The following ELP4 variants were observed in gnomAD, a reference collection of about 807,000 sequenced individuals.
ELP4 encodes elongator complex protein 4.
A neutral mutation model predicts 48.9 loss-of-function variants in ELP4; 51 were observed. The observed-to-expected ratio is 1.04, with a 90% CI of 0.83 to 1.32. The LOEUF is 1.32. Ranked by LOEUF, ELP4 falls within the 40% of genes most tolerant of loss-of-function variation. The pLI is 0.00. For missense variants in ELP4, 519 were observed against 514.6 expected (o/e 1.01, Z -0.08); for synonymous variants, 210 against 189.2 (o/e 1.11, Z -0.90).
chr11:31,717,669 G>A lies in ELP4; in HGVS notation c.1144-65724G>A, dbSNP rs541480119. On this transcript the variant is annotated intron_variant, in intron 9 of 9. Coordinates refer to ENST00000640961, the MANE Select transcript of ELP4 (RefSeq NM_019040.5). The stretch of plus-strand genomic sequence containing the variant: ...CTCGGGAGGCTGAGGCAAAAGAATC[G>A]CTTGAACCCAGGAGGCGGTGGTTGC... Among the ~76,000 whole-genome samples the A allele has an allele frequency of 1.6e-4, 25 of 151,698 alleles. No individual in the cohort carries two copies. In the East Asian group the frequency reaches 1.8e-3, roughly 11 times the overall value.
intron 9 of ELP4, among the ~76,000 whole-genome samples, chr11:31,668,923 T>C (rs1288836704): frequency 6.6e-6 from 1 of 151,778 alleles, no homozygotes; most frequent in East Asian, 1.9e-4. Flanking sequence ...ATTTTTAATT[T>C]AGTCCAATGC....
chr11:31,742,567 C>A (rs1947479854), intron 9 of ELP4, among the ~76,000 whole-genome samples: 1 of 152,206 alleles, frequency 6.6e-6, no homozygotes, highest in Non-Finnish European at 1.5e-5. Flanking sequence ...AGAAACTCTA[C>A]AAGCCAGAAG....
At chr11:31,603,119 C>A (rs1258891443) in intron 4 of ELP4, among the ~76,000 whole-genome samples, 1 of 151,826 alleles carries the variant, frequency 6.6e-6, no homozygotes, top group Non-Finnish European at 1.5e-5. Context: ...TATCAATGAA[C>A]CAATGATTAT....
At chr11:31,587,584 G>C (rs1228721709) in intron 3 of ELP4, among the ~76,000 whole-genome samples, 3 of 152,026 alleles carry the variant, frequency 2.0e-5, no homozygotes. Flanking sequence ...AAGAATTGTT[G>C]ATCAGTTCAA....
intron 9 of ELP4, among the ~76,000 whole-genome samples, chr11:31,710,303 G>T (rs7928087): frequency 0.021 from 3,132 of 152,262 alleles, 103 homozygotes; most frequent in African/African-American, 0.071. Context: ...TTTGAGTTGA[G>T]ATTGAAGGAA....
chr11:31,627,179 T>G lies in ELP4; in HGVS notation c.723T>G (p.Asp241Glu). 6.3e-7 allele frequency: 1 copy of G among 1,586,036 alleles called. No individual in the cohort carries two copies. Among genetic ancestry groups the G allele is most frequent in the Non-Finnish European group, 8.6e-7 (1 of 1,164,672 alleles). The change falls in exon 6 of 10, where the codon GAT (aspartate) becomes GAG (glutamate). Residue 241 changes from aspartate to glutamate, a missense_variant. By Grantham distance (45) the Asp-to-Glu change is conservative (BLOSUM62 2). Coordinates refer to ENST00000640961, the MANE Select transcript of ELP4 (RefSeq NM_019040.5). Reference sequence around the variant, plus strand: ...ACATCATTTATGAGGAAGGATTTGATGGATCCAATCCTCAGGTATTAAATA... The same window carrying G: ...ACATCATTTATGAGGAAGGATTTGAGGGATCCAATCCTCAGGTATTAAATA... ...IQNIIYEEGF[D>E]GSNPQKKQRN...
chr11:31,602,185 A>G (rs1041655503), intron 4 of ELP4, among the ~76,000 whole-genome samples: 10 of 152,046 alleles, frequency 6.6e-5, no homozygotes, highest in African/African-American at 2.2e-4. Context: ...CTAAAACATT[A>G]AGGGGGCTTG....
chr11:31,641,878 T>G (rs1478899054), intron 7 of ELP4, among the ~76,000 whole-genome samples: 1 of 151,994 alleles, frequency 6.6e-6, no homozygotes, highest in Non-Finnish European at 1.5e-5. Context: ...CTGGATGCTC[T>G]GTTTGATATT....
intron 9 of ELP4, among the ~76,000 whole-genome samples, chr11:31,731,345 C>A (rs1174300468): frequency 2.0e-5 from 3 of 151,964 alleles, no homozygotes; most frequent in South Asian, 4.1e-4. Flanking sequence ...AGTATTTCAA[C>A]AAAGAAATAG....
chr11:31,581,109 T>G (rs1284804596), intron 3 of ELP4, among the ~76,000 whole-genome samples: 1 of 152,220 alleles, frequency 6.6e-6, no homozygotes, highest in Non-Finnish European at 1.5e-5. Flanking sequence ...CACTAAAGTT[T>G]TCAAACTCCT....
intron 9 of ELP4, among the ~76,000 whole-genome samples, chr11:31,699,009 C>G (rs1946467742): frequency 6.6e-6 from 1 of 152,120 alleles, no homozygotes; most frequent in Admixed American, 6.6e-5. Flanking sequence ...CATGCACACT[C>G]AAGCACACAC....
intron 8 of ELP4, 73 bp from the exon 9 acceptor site, chr11:31,650,042 T>A: frequency 1.5e-6 from 1 of 661,548 alleles, no homozygotes; most frequent in South Asian, 2.0e-5. Context: ...AGGATTCTGC[T>A]ATAAGACTGT....
intron 3 of ELP4, among the ~76,000 whole-genome samples, chr11:31,577,356 A>G (rs964865137): frequency 3.3e-5 from 5 of 152,226 alleles, no homozygotes; most frequent in African/African-American, 1.2e-4. Context: ...TACCAGAGGT[A>G]CAAAGAGGAG....
chr11:31,608,412 C>G (rs879559133), intron 5 of ELP4, among the ~76,000 whole-genome samples: 1 of 151,946 alleles, frequency 6.6e-6, no homozygotes, highest in South Asian at 2.1e-4. Flanking sequence ...GTGAGCAGAG[C>G]TTGTTTATGA....
intron 3 of ELP4, among the ~76,000 whole-genome samples, chr11:31,576,180 A>G (rs1265074495): frequency 6.6e-6 from 1 of 152,258 alleles, no homozygotes; most frequent in Admixed American, 6.5e-5. Context: ...AACAAAGATC[A>G]GAAGAGACAA....
At chr11:31,778,933 G>T (rs919108536) in intron 9 of ELP4, among the ~76,000 whole-genome samples, 6 of 152,044 alleles carry the variant, frequency 3.9e-5, no homozygotes, top group African/African-American at 1.4e-4. Flanking sequence ...TATTGTCCAG[G>T]CTGGTCTTGA....
intron 7 of ELP4, among the ~76,000 whole-genome samples, chr11:31,642,196 T>C (rs1190471140): frequency 6.6e-6 from 1 of 151,384 alleles, no homozygotes; most frequent in Non-Finnish European, 1.5e-5. Context: ...GTTTTTGTAA[T>C]GTTTTATAGA....
chr11:31,547,255 A>G (rs367625678), intron 3 of ELP4, among the ~76,000 whole-genome samples: 3 of 152,138 alleles, frequency 2.0e-5, no homozygotes, highest in South Asian at 2.1e-4. Flanking sequence ...TAATAAAGAA[A>G]AAAAGAGAGA....
At chr11:31,774,162 G>A (rs747166358) in intron 9 of ELP4, among the ~76,000 whole-genome samples, 5 of 152,290 alleles carry the variant, frequency 3.3e-5, no homozygotes, top group East Asian at 1.9e-4. Flanking sequence ...GCAACAAAGC[G>A]AGACTGTCTC....
Sources: allele counts gnomAD v4.1 joint callset (sites outside exome capture counted in the v4.1 genomes callset), GRCh38; gene constraint gnomAD v4.1.1; transcripts MANE v1.5; gene names NCBI Gene and HGNC (gene_info 2026-07-23, HGNC 2026-07-21).